SHISA9: variants seen among roughly 807,000 people sequenced by gnomAD.
SHISA9 encodes the protein protein shisa-9.
A neutral mutation model predicts 38.0 loss-of-function variants in SHISA9; 13 were observed. The observed-to-expected ratio is 0.34, with a 90% CI of 0.22 to 0.54. The LOEUF is 0.54. Ranked by LOEUF, SHISA9 falls within the 20% of genes least tolerant of loss-of-function variation. The probability of loss-of-function intolerance (pLI) is 0.91; values close to 1 mark genes in which losing one functional copy is unlikely to be tolerated. For synonymous variants in SHISA9, 275 were observed against 242.0 expected, an observed-to-expected ratio of 1.14 and a Z score of -1.27; for missense variants, 538 against 575.8, an observed-to-expected ratio of 0.93 and a Z score of 0.67.
intron 2 of SHISA9, among the ~76,000 whole-genome samples, chr16:13,000,526 T>C (rs564318138): frequency 5.3e-5 from 8 of 152,286 alleles, no homozygotes; most frequent in East Asian, 1.9e-4. Context: ...CTACTGCAGA[T>C]TGGGAGGAGT....
chr16:13,549,805 A>G, the SHISA9 span, among the ~76,000 whole-genome samples: 1 of 152,082 alleles, frequency 6.6e-6, no homozygotes, highest in South Asian at 2.1e-4. Flanking sequence ...TGGGCAGATC[A>G]CAAGGTCAGG....
At chr16:13,419,116 C>G in the SHISA9 span, among the ~76,000 whole-genome samples, 1 of 152,180 alleles carries the variant, frequency 6.6e-6, no homozygotes, top group East Asian at 1.9e-4. Context: ...ACTTTTAGTT[C>G]AAGCTTTGTA....
chr16:13,322,256 GA>G, the SHISA9 span, among the ~76,000 whole-genome samples: 2 of 152,190 alleles, frequency 1.3e-5, no homozygotes, highest in South Asian at 4.1e-4. Flanking sequence ...GATCTAATAG[GA>G]AAAAATAATT....
intron 2 of SHISA9, among the ~76,000 whole-genome samples, chr16:13,176,051 C>T (rs950160512): frequency 6.6e-5 from 10 of 152,096 alleles, no homozygotes; most frequent in South Asian, 2.1e-4. Context: ...ACTAAAGTTA[C>T]ATTTAAATGT....
At chr16:13,231,708 G>A (rs2051333004) in intron 4 of SHISA9, among the ~76,000 whole-genome samples, 1 of 152,224 alleles carries the variant, frequency 6.6e-6, no homozygotes, top group South Asian at 2.1e-4. Context: ...GTTTCCTTGG[G>A]CAGTAGTCCG....
At chr16:13,091,432 A>T (rs956395175) in intron 2 of SHISA9, among the ~76,000 whole-genome samples, 1 of 152,214 alleles carries the variant, frequency 6.6e-6, no homozygotes, top group Admixed American at 6.5e-5. Context: ...ACTTTCAGGT[A>T]TGCCAATCAA....
At chr16:13,261,694 A>C in the SHISA9 span, among the ~76,000 whole-genome samples, 1 of 152,200 alleles carries the variant, frequency 6.6e-6, no homozygotes, top group African/African-American at 2.4e-5. Flanking sequence ...CTGGTAGATT[A>C]ATGGTGGCAC....
the SHISA9 span, among the ~76,000 whole-genome samples, chr16:13,451,051 CT>C: frequency 2.6e-5 from 4 of 152,160 alleles, no homozygotes; most frequent in Non-Finnish European, 4.4e-5. Context: ...TGCTCTGCCC[CT>C]GGACATGCCA....
the SHISA9 span, among the ~76,000 whole-genome samples, chr16:13,370,010 G>A: frequency 6.6e-6 from 1 of 152,022 alleles, no homozygotes; most frequent in Non-Finnish European, 1.5e-5. Context: ...CCACTCATTG[G>A]TTGATACAAT....
chr16:13,511,528 A>C, the SHISA9 span, among the ~76,000 whole-genome samples: 1 of 152,214 alleles, frequency 6.6e-6, no homozygotes, highest in African/African-American at 2.4e-5. Context: ...ATGGGGTACA[A>C]TAAAGGTAAC....
At chr16:13,270,968 C>A in the SHISA9 span, among the ~76,000 whole-genome samples, 16 of 152,106 alleles carry the variant, frequency 1.1e-4, no homozygotes, top group Admixed American at 6.5e-5. Context: ...AGCTCTATAG[C>A]CTGACTTGGG....
the SHISA9 span, among the ~76,000 whole-genome samples, chr16:13,438,648 TA>T: frequency 2.0e-5 from 3 of 152,110 alleles, no homozygotes; most frequent in African/African-American, 4.8e-5. Context: ...CTGTTGCAAA[TA>T]GGGGGAAAAT....
At chr16:12,939,409 C>G (rs2071579526) in intron 2 of SHISA9, among the ~76,000 whole-genome samples, 1 of 152,140 alleles carries the variant, frequency 6.6e-6, no homozygotes, top group Admixed American at 6.6e-5. Flanking sequence ...TTGAATATCC[C>G]TGATTGGCCC....
chr16:13,157,527 G>C (rs368810350), intron 2 of SHISA9, among the ~76,000 whole-genome samples: 2 of 152,274 alleles, frequency 1.3e-5, no homozygotes, highest in East Asian at 1.9e-4. Flanking sequence ...GAAGATTTTC[G>C]TGAGGATTGA....
chr16:13,310,287 G>A, the SHISA9 span, among the ~76,000 whole-genome samples: 1 of 151,858 alleles, frequency 6.6e-6, no homozygotes, highest in Non-Finnish European at 1.5e-5. Flanking sequence ...CTGGAGGTGG[G>A]CTTTTAAAAA....
At chr16:13,319,593 G>A in the SHISA9 span, among the ~76,000 whole-genome samples, 1 of 152,040 alleles carries the variant, frequency 6.6e-6, no homozygotes, top group Non-Finnish European at 1.5e-5. Flanking sequence ...CCTCCCTTTT[G>A]TTGCTCCCTC....
At chr16:13,191,694 G>A (rs568796034) in intron 2 of SHISA9, among the ~76,000 whole-genome samples, 1 of 152,272 alleles carries the variant, frequency 6.6e-6, no homozygotes, top group South Asian at 2.1e-4. Context: ...ATTTCATTAT[G>A]TTGTCCTGGA....
intron 2 of SHISA9, among the ~76,000 whole-genome samples, chr16:12,953,132 A>G (rs926811680): frequency 6.6e-6 from 1 of 151,964 alleles, no homozygotes; most frequent in Non-Finnish European, 1.5e-5. Flanking sequence ...TGGTCAGGGG[A>G]CATCTCTTTG....
the SHISA9 span, among the ~76,000 whole-genome samples, chr16:13,269,084 G>A: frequency 1.3e-5 from 2 of 152,194 alleles, no homozygotes; most frequent in African/African-American, 4.8e-5. Flanking sequence ...GAAGACAGAA[G>A]GGAGGTTCTG....
Sources: gnomAD v4.1 joint callset for allele counts (sites outside exome capture counted in the v4.1 genomes callset) on GRCh38, gnomAD v4.1.1 for gene constraint, MANE v1.5 for transcripts, NCBI Gene and HGNC (gene_info 2026-07-23, HGNC 2026-07-21) for gene names.